Variants in DACH2 observed in about 807,000 individuals in gnomAD.
DACH2 encodes the protein dachshund family transcription factor 2.
DACH2 carries 17 observed loss-of-function variants against 35.8 expected under a neutral mutation model. That is an observed-to-expected ratio of 0.48 (90% CI 0.33 to 0.71). DACH2 has a LOEUF of 0.71. DACH2 is among the 30% of genes least tolerant of loss of function. The pLI, the probability that DACH2 is intolerant of heterozygous loss-of-function variation, is 0.02. For synonymous variants in DACH2, 195 were observed against 177.3 expected (o/e 1.10, Z -0.79); for missense variants, 469 against 472.7 (o/e 0.99, Z 0.07).
chrX:86,810,553 A>T (rs2042385037), intron 7 of DACH2, among the ~76,000 whole-genome samples: 1 of 111,979 alleles, frequency 8.9e-6, no homozygotes. Context: ...GCTATTATAA[A>T]TATTGATATA....
chrX:86,288,826 A>G (rs1411105989), intron 1 of DACH2, among the ~76,000 whole-genome samples: 1 of 112,207 alleles, frequency 8.9e-6, no homozygotes, highest in African/African-American at 3.2e-5. Flanking sequence ...ATGCTGTACT[A>G]TAGCCAAGTC....
intron 2 of DACH2, among the ~76,000 whole-genome samples, chrX:86,377,946 T>G (rs1024567365): frequency 1.8e-5 from 2 of 110,588 alleles, no homozygotes; most frequent in Non-Finnish European, 3.8e-5. Flanking sequence ...AACTTTCTAT[T>G]AGACAATGAT....
chrX:86,430,970 G>T (rs35083283), intron 2 of DACH2, among the ~76,000 whole-genome samples: 4,141 of 111,830 alleles, frequency 0.037, 83 homozygotes, highest in East Asian at 0.22. Context: ...CACTGTGCAT[G>T]TCCCCTTCTA....
At chrX:86,309,066 C>G (rs1029093287) in intron 1 of DACH2, among the ~76,000 whole-genome samples, 10 of 111,722 alleles carry the variant, frequency 9.0e-5, no homozygotes, top group African/African-American at 3.3e-4. Flanking sequence ...ATTAGAGCTG[C>G]CTCTACCTAG....
intron 2 of DACH2, among the ~76,000 whole-genome samples, chrX:86,478,506 C>A (rs1157580055): frequency 2.8e-5 from 3 of 106,105 alleles, no homozygotes; most frequent in Non-Finnish European, 5.9e-5. Flanking sequence ...TTATTTGTTT[C>A]TCTTGCTGCT....
chrX:86,412,750 C>T (rs2036635455), intron 2 of DACH2, among the ~76,000 whole-genome samples: 1 of 111,378 alleles, frequency 9.0e-6, no homozygotes, highest in Admixed American at 9.6e-5. Flanking sequence ...CCAAAGGCTC[C>T]AGACAGCATG....
chrX:86,569,670 A>G (rs2039340608), intron 3 of DACH2, among the ~76,000 whole-genome samples: 2 of 111,620 alleles, frequency 1.8e-5, no homozygotes, highest in Non-Finnish European at 1.9e-5. Flanking sequence ...CCTTCTGGAC[A>G]TAGGCATGGG....
intron 3 of DACH2, among the ~76,000 whole-genome samples, chrX:86,568,639 GGA>G (rs759287567): frequency 1.8e-5 from 2 of 111,039 alleles, no homozygotes; most frequent in Non-Finnish European, 3.8e-5. Flanking sequence ...TAGATTATAT[GGA>G]TGAAAATATA....
intron 1 of DACH2, among the ~76,000 whole-genome samples, chrX:86,172,512 G>C (rs2031157285): frequency 8.9e-6 from 1 of 112,042 alleles, no homozygotes; most frequent in Admixed American, 9.5e-5. Flanking sequence ...TGAAATGTAA[G>C]TGAGAAAATG....
At chrX:86,301,801 A>C (rs1279854386) in intron 1 of DACH2, among the ~76,000 whole-genome samples, 1 of 112,046 alleles carries the variant, frequency 8.9e-6, no homozygotes, top group South Asian at 3.7e-4. Context: ...CAGTATATTA[A>C]TTGTCCTGAA....
rs895286698 is a variant in DACH2, at chrX:86,167,813, G to A, written c.488+18705G>A. 6.3e-5 allele frequency among the ~76,000 whole-genome samples: 7 copies of A among 111,353 alleles called. No homozygotes were observed. In the Admixed American group the frequency reaches 6.7e-4, roughly 11 times the overall value. ...TTATTGACCCACTGGTCGTTCAGGA[G>A]TATATTGCTTAATTTCCATGTATTT... On this transcript the variant is annotated intron_variant, in intron 1 of 11. Transcript: ENST00000373125.
chrX:86,382,777 A>G (rs1300968479), intron 2 of DACH2, among the ~76,000 whole-genome samples: 1 of 111,240 alleles, frequency 9.0e-6, no homozygotes, highest in Non-Finnish European at 1.9e-5. Flanking sequence ...AGGTATTACA[A>G]GAAAATTGTG....
chrX:86,428,701 C>A (rs990271067), intron 2 of DACH2, among the ~76,000 whole-genome samples: 1 of 109,903 alleles, frequency 9.1e-6, no homozygotes, highest in Non-Finnish European at 1.9e-5. Flanking sequence ...GAAATTTTAA[C>A]GCCAGACAAG....
intron 2 of DACH2, among the ~76,000 whole-genome samples, chrX:86,482,939 A>G (rs1379530911): frequency 1.1e-5 from 1 of 91,917 alleles, no homozygotes; most frequent in African/African-American, 4.0e-5. Flanking sequence ...GAATTGAACA[A>G]TGAGATCACA....
chrX:86,566,041 T>C (rs893771711), intron 3 of DACH2, among the ~76,000 whole-genome samples: 1 of 112,113 alleles, frequency 8.9e-6, no homozygotes, highest in African/African-American at 3.2e-5. Context: ...TAACACTGTG[T>C]GTTAAATGCA....
intron 3 of DACH2, among the ~76,000 whole-genome samples, chrX:86,593,303 TA>T (rs1165077289): frequency 9.0e-6 from 1 of 110,539 alleles, no homozygotes; most frequent in African/African-American, 3.3e-5. Flanking sequence ...ATTCTCTTGA[TA>T]TAACTGATTA....
At chrX:86,699,135 C>T (rs1697807246) in intron 5 of DACH2, among the ~76,000 whole-genome samples, 1 of 111,766 alleles carries the variant, frequency 8.9e-6, no homozygotes, top group Non-Finnish European at 1.9e-5. Context: ...CTTCAACACT[C>T]CAATGACAGA....
chrX:86,754,180 G>A (rs182456820), intron 7 of DACH2, among the ~76,000 whole-genome samples: 3 of 111,070 alleles, frequency 2.7e-5, no homozygotes, highest in East Asian at 5.7e-4. Context: ...ATAAATTAAC[G>A]TAAACATTGA....
intron 2 of DACH2, among the ~76,000 whole-genome samples, chrX:86,428,667 ATATCT>A (rs1302689854): frequency 9.0e-6 from 1 of 111,328 alleles, no homozygotes; most frequent in Non-Finnish European, 1.9e-5. Flanking sequence ...ATTTTTTTAA[ATATCT>A]TAGCATATTA....
Sources: allele counts gnomAD v4.1 joint callset (sites outside exome capture counted in the v4.1 genomes callset), GRCh38; gene constraint gnomAD v4.1.1; transcripts MANE v1.5; gene names NCBI Gene and HGNC (gene_info 2026-07-23, HGNC 2026-07-21).